SCN2A: variants seen among roughly 807,000 people sequenced by gnomAD.
The protein encoded by SCN2A is sodium channel protein type 2 subunit alpha.
Under a neutral mutation model 188.7 loss-of-function variants are expected in SCN2A, and 20 were observed. That is an observed-to-expected ratio of 0.11 (90% CI 0.07 to 0.15). SCN2A has a LOEUF of 0.15. SCN2A is among the 10% of genes least tolerant of loss of function. SCN2A has a pLI of 1.00. For missense variants in SCN2A, 1,278 were observed against 2,445.0 expected, an observed-to-expected ratio of 0.52 and a Z score of 10.07; for synonymous variants, 804 against 833.1, an observed-to-expected ratio of 0.97 and a Z score of 0.60.
chr2:165,325,390 A>C (rs571785623), intron 12 of SCN2A, among the ~76,000 whole-genome samples: 3 of 152,326 alleles, frequency 2.0e-5, no homozygotes, highest in Admixed American at 2.0e-4. Flanking sequence ...AGTTGAGCTG[A>C]AGGTGCAAAC....
chr2:165,266,170 A>T (rs1459005218), intron 1 of SCN2A, among the ~76,000 whole-genome samples: 1 of 152,088 alleles, frequency 6.6e-6, no homozygotes, highest in Non-Finnish European at 1.5e-5. Flanking sequence ...TATTTGTATT[A>T]CCAAAGGCTA....
Position 165,389,691 on chromosome 2 carries a change from A to T in SCN2A, c.5885A>T (p.Lys1962Ile), listed in dbSNP as rs1702052220. The T allele has an allele frequency of 6.2e-7, 1 of 1,613,978 alleles. No individual in the cohort carries two copies. The highest frequency in any genetic ancestry group is 2.2e-5 in the East Asian group (1 of 44,866). ...CTGAATGAGAATTCAACTCCAGAGAAAACCGATATGACGCCTTCCACCACG... is the reference window on the plus strand; with the variant it reads ...CTGAATGAGAATTCAACTCCAGAGATAACCGATATGACGCCTTCCACCACG... ...DKLNENSTPE[K>I]TDMTPSTTSP... is the part of the protein sequence containing the mutation. Residue 1962 changes from lysine to isoleucine, a missense_variant, in exon 27 of 27, where the codon AAA becomes ATA. Physicochemically the swap from Lys to Ile is moderately radical, Grantham distance 102. This residue lies in a region of SCN2A where 109 missense variants were observed against 137.9 expected (regional missense o/e 0.79). Coordinates refer to ENST00000375437, the MANE Select transcript of SCN2A (RefSeq NM_001040142.2). This position sits in a 1 kb window ranked among gnomAD's most constrained non-coding sequence, Gnocchi z 4.2.
At position 165,255,504 on chromosome 2, in the gene SCN2A, C is replaced by G. The variant is rs1044569058; in HGVS notation, c.-52+15864C>G. Among the ~76,000 whole-genome samples, 5 of 151,856 alleles carry G rather than the reference C, an allele frequency of 3.3e-5. No individual in the cohort carries two copies. The East Asian group carries it at 5.8e-4, about 18-fold the overall frequency. On this transcript the variant is annotated intron_variant, in intron 1 of 26. Transcript: ENST00000375437. Reference sequence around the variant, plus strand: ...TAACCACGATTATTAAAATATGGCTCTATGGTTTAACTCCATATCCTAACA... The same window carrying G: ...TAACCACGATTATTAAAATATGGCTGTATGGTTTAACTCCATATCCTAACA...
rs780959122 is a variant in SCN2A, at chr2:165,331,391, G to T, written c.2211G>T (p.Leu737Phe). The change falls in exon 14 of 27, where the codon TTG becomes TTT. Residue 737 changes from leucine to phenylalanine, a missense_variant. By Grantham distance (22) the Leu-to-Phe change is conservative (BLOSUM62 0). This residue lies in a region of SCN2A where 315 missense variants were observed against 386.6 expected (regional missense o/e 0.81). Coordinates refer to ENST00000375437, the MANE Select transcript of SCN2A (RefSeq NM_001040142.2). ...PCWYKFANMCLIWDCCKPWLK... is the reference protein window; with the variant it reads ...PCWYKFANMCFIWDCCKPWLK... ...GGTATAAATTTGCTAATATGTGTTT[G>T]ATTTGGGACTGTTGTAAACCATGGT... 6.2e-7 allele frequency: 1 copy of T among 1,613,806 alleles called. No individual in the cohort carries two copies. Among genetic ancestry groups the T allele is most frequent in the Non-Finnish European group, 8.5e-7 (1 of 1,179,776 alleles).
intron 14 of SCN2A, among the ~76,000 whole-genome samples, chr2:165,339,704 A>T (rs6718242): frequency 1.3e-5 from 2 of 152,066 alleles, no homozygotes; most frequent in South Asian, 2.1e-4. Flanking sequence ...ATGCAATGGA[A>T]GATTCAATAT....
intron 1 of SCN2A, chr2:165,269,319 T>C (rs975898661): frequency 3.3e-5 from 5 of 152,024 alleles, no homozygotes; most frequent in Non-Finnish European, 2.9e-5. Context: ...GATTATTAAC[T>C]CTATCAGGAA....
intron 14 of SCN2A, among the ~76,000 whole-genome samples, chr2:165,332,292 A>G (rs1698733296): frequency 6.6e-6 from 1 of 152,062 alleles, no homozygotes; most frequent in Non-Finnish European, 1.5e-5. Context: ...GGTCTAAAGT[A>G]TAATATACAA....
intron 18 of SCN2A, 151 bp downstream of exon 18, chr2:165,365,414 C>T: frequency 2.5e-6 from 2 of 815,812 alleles, no homozygotes; most frequent in South Asian, 2.6e-5. Flanking sequence ...TCATCTATAC[C>T]TATCCAACAA....
chr2:165,361,475 G>A lies in SCN2A; in HGVS notation c.3400-3668G>A, dbSNP rs146415952. On this transcript the variant is annotated intron_variant, in intron 17 of 26. Coordinates refer to ENST00000375437, the MANE Select transcript of SCN2A (RefSeq NM_001040142.2). ...CTTTAGAGAAGCTTGGCAGAATGGGGTGCAGAAGATCTGGAATCCAACCAC... is the reference window on the plus strand; with the variant it reads ...CTTTAGAGAAGCTTGGCAGAATGGGATGCAGAAGATCTGGAATCCAACCAC... Among the ~76,000 whole-genome samples the A allele has an allele frequency of 6.9e-3, 1,046 of 152,104 alleles. 4 individuals carry two copies. The highest frequency in any genetic ancestry group is 0.011 in the Non-Finnish European group (735 of 67,882).
At chr2:165,305,532 C>T (rs138858145) in intron 3 of SCN2A, among the ~76,000 whole-genome samples, 2 of 152,146 alleles carry the variant, frequency 1.3e-5, no homozygotes, top group Non-Finnish European at 2.9e-5. Flanking sequence ...AAGAAAAATG[C>T]CACATTTCAA....
chr2:165,279,546 T>C (rs1695493070), intron 1 of SCN2A, among the ~76,000 whole-genome samples: 1 of 152,110 alleles, frequency 6.6e-6, no homozygotes, highest in South Asian at 2.1e-4. Flanking sequence ...TACAGCCAAG[T>C]TTTTAAAAAT....
intron 3 of SCN2A, among the ~76,000 whole-genome samples, chr2:165,299,538 A>G (rs1227171371): frequency 2.0e-5 from 3 of 152,254 alleles, no homozygotes; most frequent in Non-Finnish European, 4.4e-5. Context: ...ACCTTGGAGC[A>G]GAGATATAAC....
chr2:165,292,549 A>G (rs947943161), intron 1 of SCN2A, among the ~76,000 whole-genome samples: 1 of 152,030 alleles, frequency 6.6e-6, no homozygotes, highest in Non-Finnish European at 1.5e-5. Flanking sequence ...CCCAATGTTT[A>G]GCTCCCACTT....
chr2:165,275,473 T>C (rs770000124), intron 1 of SCN2A, among the ~76,000 whole-genome samples: 7 of 152,222 alleles, frequency 4.6e-5, no homozygotes, highest in Admixed American at 1.3e-4. Flanking sequence ...TTACCTAGAA[T>C]ATAAGCTCCA....
At chr2:165,265,053 T>C (rs994255779) in intron 1 of SCN2A, among the ~76,000 whole-genome samples, 2 of 152,100 alleles carry the variant, frequency 1.3e-5, no homozygotes, top group African/African-American at 4.8e-5. Flanking sequence ...CACAATGTCT[T>C]CCACAATGAT....
At chr2:165,359,489 C>T (rs1196787711) in intron 17 of SCN2A, among the ~76,000 whole-genome samples, 1 of 152,012 alleles carries the variant, frequency 6.6e-6, no homozygotes. Flanking sequence ...TAAGAAGGAA[C>T]TGGTTCGTTT....
At chr2:165,386,419 G>A (rs1201088340) in intron 25 of SCN2A, among the ~76,000 whole-genome samples, 2 of 151,942 alleles carry the variant, frequency 1.3e-5, no homozygotes, top group East Asian at 1.9e-4. Flanking sequence ...AGCCAAGATC[G>A]TGCCACTGCA....
intron 25 of SCN2A, among the ~76,000 whole-genome samples, chr2:165,383,483 G>A (rs1172507502): frequency 6.6e-6 from 1 of 152,026 alleles, no homozygotes; most frequent in Non-Finnish European, 1.5e-5. Context: ...AACTTTTCTG[G>A]GCCTTGGAGG....
In SCN2A at chr2:165,295,955, G is replaced by A. The variant is rs781272663; in HGVS notation, c.132G>A (p.Glu44=). The A allele has an allele frequency of 1.8e-5, 29 of 1,613,996 alleles. No individual in the cohort carries two copies. In the South Asian group the frequency reaches 3.2e-4, roughly 18 times the overall value. Residue 44 remains glutamate, a synonymous_variant, in exon 2 of 27, where the codon GAG becomes GAA. Transcript: ENST00000375437. ...GACCCAAACAGGAACGCAAGGATGAGGATGATGAAAATGGCCCAAAGCCAA... is the reference window on the plus strand; with the variant it reads ...GACCCAAACAGGAACGCAAGGATGAAGATGATGAAAATGGCCCAAAGCCAA... ...AKRPKQERKD[E]DDENGPKPNS...
Sources: gnomAD v4.1 joint callset for allele counts (sites outside exome capture counted in the v4.1 genomes callset) on GRCh38, gnomAD v4.1.1 for gene constraint, gnomAD v4.1.1 regional missense constraint, Gnocchi (gnomAD v3.1) non-coding constraint, MANE v1.5 for transcripts, NCBI Gene and HGNC (gene_info 2026-07-23, HGNC 2026-07-21) for gene names.